The following PLAC1 variants were observed in gnomAD, a reference collection of about 807,000 sequenced individuals.
PLAC1 encodes placenta associated 1, also known as placenta-specific protein 1.
For missense variants in PLAC1, 136 were observed against 163.2 expected, an observed-to-expected ratio of 0.83 and a Z score of 0.91; for synonymous variants, 68 against 62.1, an observed-to-expected ratio of 1.09 and a Z score of -0.44.
Position 134,566,299 on chromosome X carries a change from G to A in PLAC1, c.384C>T (p.Cys128=), listed in dbSNP as rs146886696. Residue 128 remains cysteine, a synonymous_variant, in exon 3 of 3, where the codon TGC becomes TGT. Coordinates refer to ENST00000359237, the MANE Select transcript of PLAC1 (RefSeq NM_021796.4). The part of the protein sequence containing the change: ...PQKSPWLTKP[C]SMRVASKSRA... Reference sequence around the variant, plus strand: ...TGCTCTTGCTGGCTACTCTCATGGAGCAGGGCTTGGTGAGCCATGGGGACT... The same window carrying A: ...TGCTCTTGCTGGCTACTCTCATGGAACAGGGCTTGGTGAGCCATGGGGACT... 8 of 1,210,270 alleles carry A rather than the reference G, an allele frequency of 6.6e-6. No homozygotes were observed. The African/African-American group carries it at 1.2e-4, about 19-fold the overall frequency.
chrX:134,613,644 T>C (rs1354594191), intron 1 of PLAC1, among the ~76,000 whole-genome samples: 1 of 111,587 alleles, frequency 9.0e-6, no homozygotes, highest in African/African-American at 3.3e-5. Flanking sequence ...TGTAGAAATA[T>C]AAAGACCAAA....
At chrX:134,581,476 C>CTTTTTTTTTTTTTTTTTTTTTTTTTTTT (rs35457928) in intron 2 of PLAC1, among the ~76,000 whole-genome samples, 2 of 58,931 alleles carry the variant, frequency 3.4e-5, no homozygotes, top group Non-Finnish European at 5.8e-5. Flanking sequence ...TTCTCAGACT[C>CTTTTTTTTTTTTTTTTTTTTTTTTTTTT]TTTTTTTTTT....
intron 2 of PLAC1, among the ~76,000 whole-genome samples, chrX:134,695,562 A>G (rs1298261981): frequency 8.9e-6 from 1 of 112,118 alleles, no homozygotes; most frequent in Non-Finnish European, 1.9e-5. Flanking sequence ...TCCAGATGAT[A>G]CTGATGCAGG....
At chrX:134,649,170 A>G (rs1293617796) in intron 1 of PLAC1, among the ~76,000 whole-genome samples, 1 of 104,846 alleles carries the variant, frequency 9.5e-6, no homozygotes, top group Non-Finnish European at 1.9e-5. Flanking sequence ...CAGGAGGTTG[A>G]GGCAGGAGAA....
intron 2 of PLAC1, among the ~76,000 whole-genome samples, chrX:134,677,333 T>TA (rs1181226217): frequency 8.9e-6 from 1 of 112,277 alleles, no homozygotes; most frequent in African/African-American, 3.2e-5. Context: ...GCTTACCTTC[T>TA]AGTAAGAAAA....
At chrX:134,707,368 A>C (rs6654677) in intron 2 of PLAC1, among the ~76,000 whole-genome samples, 9,246 of 112,221 alleles carry the variant, frequency 0.082, 961 homozygotes, top group African/African-American at 0.28. Context: ...GATTTGTTAC[A>C]TAGGTATACA....
intron 1 of PLAC1, among the ~76,000 whole-genome samples, chrX:134,635,752 A>C (rs2124421298): frequency 9.0e-6 from 1 of 111,554 alleles, no homozygotes; most frequent in East Asian, 2.8e-4. Flanking sequence ...TTTGAATCTC[A>C]TCAGGATTTT....
Position 134,627,782 on chromosome X carries a change from A to G in PLAC1, c.-130-25660T>C, listed in dbSNP as rs990018349. On this transcript the variant is annotated intron_variant, in intron 1 of 2. Transcript: ENST00000359237. ...CCTATCTTTCCAGTTCACTTTTTCC[A>G]CCAGCCAGAATGAACATTCTAAAAT... 4.5e-5 allele frequency among the ~76,000 whole-genome samples: 5 copies of G among 111,769 alleles called. No individual in the cohort carries two copies. The Admixed American group carries it at 4.8e-4, about 11-fold the overall frequency.
rs576121024 is a variant in PLAC1, at chrX:134,687,763, A to C, written n.174+45672T>G. On this transcript the variant is annotated intron_variant and non_coding_transcript_variant, in intron 2 of 2. Transcript: ENST00000466797. ...AAACGTCACTTTTCTAATCTGTACA[A>C]TGAAGGGAATAATAGTACTTACCTC... Among the ~76,000 whole-genome samples the C allele has an allele frequency of 3.4e-4, 32 of 94,512 alleles. No homozygotes were observed. In the South Asian group the frequency reaches 0.018, roughly 54 times the overall value. 82.1% of individuals were successfully genotyped at this position (94,512 alleles called of 115,157 possible).
At chrX:134,611,510 C>G (rs868182840) in intron 1 of PLAC1, among the ~76,000 whole-genome samples, 9 of 52,866 alleles carry the variant, frequency 1.7e-4, no homozygotes, top group Non-Finnish European at 2.7e-4. Flanking sequence ...TATATATACA[C>G]ACACACACAT....
At chrX:134,700,363 C>T (rs1052761321) in intron 2 of PLAC1, among the ~76,000 whole-genome samples, 48 of 111,961 alleles carry the variant, frequency 4.3e-4, no homozygotes, top group African/African-American at 1.4e-3. Flanking sequence ...ACTCATTACT[C>T]TCCTGATTAA....
At chrX:134,683,542 C>A (rs1049573338) in intron 2 of PLAC1, among the ~76,000 whole-genome samples, 3 of 111,562 alleles carry the variant, frequency 2.7e-5, no homozygotes, top group Non-Finnish European at 5.6e-5. Flanking sequence ...TGGCCTTGAA[C>A]CATTTATCTT....
chrX:134,733,396 T>G (rs2147844070), intron 2 of PLAC1: 1 of 111,463 alleles, frequency 9.0e-6, no homozygotes, highest in African/African-American at 3.3e-5. Context: ...AGTATATATG[T>G]ACACACAGAA....
chrX:134,724,705 A>G (rs1378419571), intron 2 of PLAC1, among the ~76,000 whole-genome samples: 1 of 112,522 alleles, frequency 8.9e-6, no homozygotes, highest in Non-Finnish European at 1.9e-5. Context: ...TTTTTCTTTT[A>G]ATAAAAACAA....
At chrX:134,577,467 T>C (rs2077945564) in intron 2 of PLAC1, among the ~76,000 whole-genome samples, 1 of 111,399 alleles carries the variant, frequency 9.0e-6, no homozygotes, top group African/African-American at 3.3e-5. Flanking sequence ...GGCGGGCGTA[T>C]CACCTAAGGT....
chrX:134,566,031 C>T lies in PLAC1; in HGVS notation c.*13G>A. 1 of 1,195,207 alleles carries T rather than the reference C, an allele frequency of 8.4e-7. No individual in the cohort carries two copies. Among genetic ancestry groups the T allele is most frequent in the Non-Finnish European group, 1.1e-6 (1 of 881,867 alleles). On this transcript the variant is annotated 3_prime_UTR_variant, in exon 3 of 3. Transcript: ENST00000359237. ...CTAGAAATAGCATCTTCAGGAGACC[C>T]CAAACCTGAGGATCACATGGACCCA...
chrX:134,575,512 G>A (rs1400604415), intron 2 of PLAC1, among the ~76,000 whole-genome samples: 2 of 109,462 alleles, frequency 1.8e-5, no homozygotes, highest in African/African-American at 6.6e-5. Flanking sequence ...GCTCACGCCT[G>A]TAATCCCAGC....
intron 1 of PLAC1, among the ~76,000 whole-genome samples, chrX:134,648,685 A>T (rs369550142): frequency 1.9e-5 from 2 of 106,062 alleles, no homozygotes; most frequent in African/African-American, 6.8e-5. Context: ...GACTCCATCT[A>T]AAAAAAAAAG....
At chrX:134,660,251 C>G (rs1170777491), upstream of PLAC1, among the ~76,000 whole-genome samples, 2 of 109,885 alleles carry the variant, frequency 1.8e-5, no homozygotes, top group Non-Finnish European at 3.8e-5. Context: ...ATTACAGGTG[C>G]CTGCCATCAT....
Sources: gnomAD v4.1 joint callset for allele counts (sites outside exome capture counted in the v4.1 genomes callset) on GRCh38, gnomAD v4.1.1 for gene constraint, MANE v1.5 for transcripts, NCBI Gene and HGNC (gene_info 2026-07-23, HGNC 2026-07-21) for gene names.